The following COL18A1 variants were observed in gnomAD, a reference collection of about 807,000 sequenced individuals.
The protein encoded by COL18A1 is collagen type XVIII alpha 1 chain.
Under a neutral mutation model 168.0 loss-of-function variants are expected in COL18A1, and 133 were observed. The observed-to-expected ratio is 0.79, with a 90% CI of 0.69 to 0.91. COL18A1 has a LOEUF of 0.91. Ranked by LOEUF, COL18A1 falls within the 40% of genes least tolerant of loss-of-function variation. The probability of loss-of-function intolerance (pLI) is 0.00; values close to 1 mark genes in which losing one functional copy is unlikely to be tolerated. For synonymous variants in COL18A1, 949 were observed against 809.0 expected, an observed-to-expected ratio of 1.17 and a Z score of -2.94; for missense variants, 2,126 against 1,925.4, an observed-to-expected ratio of 1.10 and a Z score of -1.95.
intron 2 of COL18A1, among the ~76,000 whole-genome samples, chr21:45,434,620 TCTC>T (rs138822040): frequency 0.023 from 3,518 of 152,266 alleles, 150 homozygotes; most frequent in African/African-American, 0.08. Context: ...CAGTGCATCT[TCTC>T]CTCAGAGGGT....
Position 45,511,862 on chromosome 21 carries a change from G to A in COL18A1, c.3810-326G>A, listed in dbSNP as rs545203987. 5.3e-5 allele frequency among the ~76,000 whole-genome samples: 8 copies of A among 152,342 alleles called. No individual in the cohort carries two copies. In the South Asian group the frequency reaches 1.7e-3, roughly 32 times the overall value. On this transcript the variant is annotated intron_variant, in intron 41 of 41. Coordinates refer to ENST00000651438, the MANE Select transcript of COL18A1 (RefSeq NM_001379500.1). ...GAAAGCCAGGAGCCCGGGAGGCGGAGCTGGTTCCTAGCGAGGCAGCCACAG... is the reference window on the plus strand; with the variant it reads ...GAAAGCCAGGAGCCCGGGAGGCGGAACTGGTTCCTAGCGAGGCAGCCACAG...
Position 45,509,374 on chromosome 21 carries a change from T to A in COL18A1, c.3268T>A (p.Leu1090Met). ...PRGTDNEVAA[L>M]QPPVVQLHDS... ...CCTGCAGGACAATGAAGTGGCCGCC[T>A]TGCAGCCCCCCGTGGTGCAGCTGCA... The change falls in exon 39 of 42, where the codon TTG becomes ATG. Residue 1090 changes from leucine to methionine, a missense_variant. By Grantham distance (15) the Leu-to-Met change is conservative. Coordinates refer to ENST00000651438, the MANE Select transcript of COL18A1 (RefSeq NM_001379500.1). The A allele has an allele frequency of 6.5e-7, 1 of 1,543,146 alleles. No individual in the cohort carries two copies. Among genetic ancestry groups the A allele is most frequent in the Admixed American group, 1.9e-5 (1 of 52,150 alleles).
chr21:45,495,608 GCA>G (rs2036502878), intron 29 of COL18A1, 176 bp downstream of exon 29: 1 of 371,794 alleles, frequency 2.7e-6, no homozygotes, highest in Non-Finnish European at 4.7e-6. Flanking sequence ...GTCCACACAC[GCA>G]CACGTGTGCC....
At chr21:45,509,633 AT>A in intron 39 of COL18A1, 32 bp downstream of exon 39, 1 of 1,173,718 alleles carries the variant, frequency 8.5e-7, no homozygotes, top group Non-Finnish European at 1.2e-6. Context: ...GCTTGGCTCC[AT>A]CTAGCCCCTC....
chr21:45,482,377 C>G (rs749086706), intron 14 of COL18A1: 3 of 655,396 alleles, frequency 4.6e-6, no homozygotes, highest in Non-Finnish European at 8.5e-6. Flanking sequence ...GTGGGTGGAC[C>G]TGGCGGGAGT....
At chr21:45,408,183 A>G (rs1265953207) in intron 2 of COL18A1, 3 of 152,304 alleles carry the variant, frequency 2.0e-5, no homozygotes, top group Non-Finnish European at 4.4e-5. Flanking sequence ...TGCAGGCGCC[A>G]GACACTGGGG....
At chr21:45,416,404 C>T (rs2033445626) in intron 2 of COL18A1, among the ~76,000 whole-genome samples, 1 of 151,808 alleles carries the variant, frequency 6.6e-6, no homozygotes. Flanking sequence ...CCTTTGTGAA[C>T]TGGGGGTGGT....
At chr21:45,476,098 G>A (rs1005849964) in intron 5 of COL18A1, among the ~76,000 whole-genome samples, 3 of 151,662 alleles carry the variant, frequency 2.0e-5, no homozygotes, top group Non-Finnish European at 4.4e-5. Context: ...ATGGCCTGTC[G>A]GGCGCCGGGA....
intron 10 of COL18A1, 48 bp downstream of exon 10, chr21:45,480,012 C>T: frequency 1.2e-6 from 2 of 1,613,378 alleles, no homozygotes; most frequent in Non-Finnish European, 8.5e-7. Context: ...TGGCCCTTGG[C>T]TCAAGGTGGG....
At chr21:45,460,090 C>T (rs889189025) in intron 2 of COL18A1, among the ~76,000 whole-genome samples, 6 of 151,764 alleles carry the variant, frequency 4.0e-5, no homozygotes, top group Non-Finnish European at 7.4e-5. Context: ...AGGACAGACA[C>T]GTGTGCGTGC....
At position 45,498,743 on chromosome 21, in the gene COL18A1, A is replaced by G; in HGVS notation, c.2683+1082A>G. On this transcript the variant is annotated intron_variant, in intron 32 of 41. Transcript: ENST00000651438. The surrounding 1 kb of genome is among the most constrained non-coding windows in gnomAD (Gnocchi z 4.5). ...GATGCACAGATGACCAGAAACCAGGAGAAGAGGCCAGTGACACACCAGACC... is the reference window on the plus strand; with the variant it reads ...GATGCACAGATGACCAGAAACCAGGGGAAGAGGCCAGTGACACACCAGACC... The G allele has an allele frequency of 1.6e-6, 1 of 610,618 alleles. No homozygotes were observed. Among genetic ancestry groups the G allele is most frequent in the Non-Finnish European group, 2.9e-6 (1 of 341,568 alleles). The allele number at this position is 610,618 out of a possible 1,614,324, so 37.8% of individuals were successfully genotyped here.
At chr21:45,495,296 G>C in intron 28 of COL18A1, 62 bp from the exon 29 acceptor site, 1 of 1,412,318 alleles carries the variant, frequency 7.1e-7, no homozygotes, top group Non-Finnish European at 9.8e-7. Flanking sequence ...CAGGCACCCT[G>C]CGGGAAGGTG....
intron 13 of COL18A1, 41 bp downstream of exon 13, chr21:45,480,899 G>T: frequency 1.9e-6 from 3 of 1,580,612 alleles, no homozygotes; most frequent in East Asian, 2.3e-5. Flanking sequence ...AGCCCTGTCT[G>T]CTGGGAGTGA....
At chr21:45,472,844 CAT>C (rs1568897447) in intron 3 of COL18A1, among the ~76,000 whole-genome samples, 1 of 151,958 alleles carries the variant, frequency 6.6e-6, no homozygotes, top group Non-Finnish European at 1.5e-5. Context: ...TACGTGATCT[CAT>C]GTTTGCACAC....
intron 2 of COL18A1, among the ~76,000 whole-genome samples, chr21:45,435,866 T>C (rs760714165): frequency 2.6e-5 from 4 of 152,172 alleles, no homozygotes; most frequent in Non-Finnish European, 4.4e-5. Flanking sequence ...GGGACACCTA[T>C]GAACAAATGC....
chr21:45,498,108 C>G lies in COL18A1; in HGVS notation c.2683+447C>G, dbSNP rs576036864. On this transcript the variant is annotated intron_variant, in intron 32 of 41. Coordinates refer to ENST00000651438, the MANE Select transcript of COL18A1 (RefSeq NM_001379500.1). This position sits in a 1 kb window ranked among gnomAD's most constrained non-coding sequence, Gnocchi z 4.5. ...GGGTGAGCCCAGCACCCCTGCTCCC[C>G]CAAAGGACAAGAATTCCCCCCTGAG... is the stretch of plus-strand genomic sequence containing the variant. The G allele has an allele frequency of 3.2e-6, 2 of 624,888 alleles. No individual in the cohort carries two copies. The highest frequency in any genetic ancestry group is 5.2e-5 in the Admixed American group (2 of 38,268). The allele number at this position is 624,888 out of a possible 1,614,324, so 38.7% of individuals were successfully genotyped here.
At chr21:45,427,652 T>C (rs958185160) in intron 2 of COL18A1, among the ~76,000 whole-genome samples, 1 of 152,180 alleles carries the variant, frequency 6.6e-6, no homozygotes, top group Non-Finnish European at 1.5e-5. Flanking sequence ...TTGAGGTCTC[T>C]GTGCATGCTT....
chr21:45,467,484 G>A (rs1048864373), intron 2 of COL18A1: 10 of 961,206 alleles, frequency 1.0e-5, no homozygotes, highest in Middle Eastern at 5.3e-4. Context: ...CAGCATGGGG[G>A]GGATGGGGAG....
In COL18A1 at chr21:45,509,378, A is replaced by T; in HGVS notation, c.3272A>T (p.Gln1091Leu). ...RGTDNEVAAL[Q>L]PPVVQLHDSN... ...CAGGACAATGAAGTGGCCGCCTTGC[A>T]GCCCCCCGTGGTGCAGCTGCACGAC... The change falls in exon 39 of 42, where the codon CAG (glutamine) becomes CTG (leucine). Residue 1091 changes from glutamine to leucine, a missense_variant. Transcript: ENST00000651438. 1 of 1,543,074 alleles carries T rather than the reference A, an allele frequency of 6.5e-7. No individual in the cohort carries two copies.
Sources: gnomAD v4.1 joint callset for allele counts (sites outside exome capture counted in the v4.1 genomes callset) on GRCh38, gnomAD v4.1.1 for gene constraint, Gnocchi (gnomAD v3.1) non-coding constraint, MANE v1.5 for transcripts, NCBI Gene and HGNC (gene_info 2026-07-23, HGNC 2026-07-21) for gene names.